Variants in BATF observed in about 807,000 individuals in gnomAD.
The protein encoded by BATF is basic leucine zipper transcriptional factor ATF-like.
Under a neutral mutation model 13.7 loss-of-function variants are expected in BATF, and 5 were observed. The observed-to-expected ratio is 0.36, with a 90% confidence interval of 0.19 to 0.77. The LOEUF (loss-of-function observed/expected upper bound fraction) is 0.77. Among genes scored for constraint, BATF ranks in the 30% least tolerant of loss-of-function variants. The probability of loss-of-function intolerance (pLI) is 0.51; values close to 1 mark genes in which losing one functional copy is unlikely to be tolerated. For missense variants in BATF, 124 were observed against 163.0 expected, an observed-to-expected ratio of 0.76 and a Z score of 1.30; for synonymous variants, 72 against 67.5, an observed-to-expected ratio of 1.07 and a Z score of -0.33.
chr14:75,525,019 A>G, intron 1 of BATF, 65 bp from the exon 2 acceptor site: 1 of 1,374,188 alleles, frequency 7.3e-7, no homozygotes, highest in Non-Finnish European at 1.0e-6. Context: ...ACACACCACC[A>G]GAGCCTGCTT....
At chr14:75,525,545 T>TC (rs749653719) in intron 2 of BATF, among the ~76,000 whole-genome samples, 7 of 150,968 alleles carry the variant, frequency 4.6e-5, no homozygotes, top group Non-Finnish European at 1.0e-4. Flanking sequence ...ATGCCTGTAG[T>TC]CCCAGCTACT....
At chr14:75,536,883 C>A (rs1163050958) in intron 2 of BATF, among the ~76,000 whole-genome samples, 8 of 152,168 alleles carry the variant, frequency 5.3e-5, no homozygotes, top group Non-Finnish European at 1.2e-4. Context: ...GAAGCAATAG[C>A]ACCTCACTAG....
chr14:75,523,208 TA>T (rs60531963), intron 1 of BATF, among the ~76,000 whole-genome samples: 22,711 of 139,088 alleles, frequency 0.16, 5,386 homozygotes, highest in African/African-American at 0.53. Flanking sequence ...AGGGAAAAGT[TA>T]AAAAAAAAAA....
At chr14:75,542,621 A>C (rs1027820536) in intron 2 of BATF, among the ~76,000 whole-genome samples, 24 of 152,244 alleles carry the variant, frequency 1.6e-4, no homozygotes, top group Non-Finnish European at 2.8e-4. Flanking sequence ...ACGAGGCCCC[A>C]GATCAGCCAC....
chr14:75,528,001 C>T (rs923614720), intron 2 of BATF, among the ~76,000 whole-genome samples: 1 of 152,214 alleles, frequency 6.6e-6, no homozygotes, highest in African/African-American at 2.4e-5. Context: ...TCTTCCTTTC[C>T]TCCGAGATGA....
intron 2 of BATF, among the ~76,000 whole-genome samples, chr14:75,542,485 T>C (rs1887911035): frequency 2.0e-5 from 3 of 152,194 alleles, no homozygotes; most frequent in Admixed American, 2.0e-4. Context: ...CTGTTGTACC[T>C]CTGGATAAAC....
At position 75,546,808 on chromosome 14, in the gene BATF, C is replaced by A; in HGVS notation, c.*137C>A. 4.9e-6 allele frequency: 6 copies of A among 1,218,580 alleles called. No individual in the cohort carries two copies. The highest frequency in any genetic ancestry group is 6.9e-6 in the Non-Finnish European group (6 of 865,320). 75.5% of individuals were successfully genotyped at this position (1,218,580 alleles called of 1,614,324 possible). A position where few individuals can be genotyped will look rare whatever the true frequency, so the allele number is the denominator to read the frequency against. On this transcript the variant is annotated 3_prime_UTR_variant, in exon 3 of 3. Coordinates refer to ENST00000286639, the MANE Select transcript of BATF (RefSeq NM_006399.5). ...GACAAGGAGTGAACACGGGAACTGT[C>A]ACGACTGGAAGGGCGTGAGGCCTCC...
In BATF at chr14:75,529,013, G is replaced by A. The variant is rs143043557; in HGVS notation, c.168+3825G>A. On this transcript the variant is annotated intron_variant, in intron 2 of 2. Transcript: ENST00000286639. The stretch of plus-strand genomic sequence containing the variant: ...GAAAGATATACCTTATGTAAAGTTA[G>A]CAATTTTCCTTAAGTTAATTGATAA... 7.3e-3 allele frequency among the ~76,000 whole-genome samples: 1,112 copies of A among 152,232 alleles called. 16 individuals carry two copies. The highest frequency in any genetic ancestry group is 0.026 in the African/African-American group (1,069 of 41,538).
intron 2 of BATF, among the ~76,000 whole-genome samples, chr14:75,545,178 T>C (rs1887962936): frequency 1.3e-5 from 2 of 152,110 alleles, no homozygotes; most frequent in Non-Finnish European, 1.5e-5. Context: ...GAACAAAACG[T>C]TGTAGCAGAC....
intron 2 of BATF, among the ~76,000 whole-genome samples, chr14:75,535,279 C>T (rs1451751565): frequency 1.3e-5 from 2 of 152,008 alleles, no homozygotes; most frequent in Admixed American, 6.6e-5. Flanking sequence ...ATTAGCCAGG[C>T]GTGGTAGCTT....
intron 2 of BATF, among the ~76,000 whole-genome samples, chr14:75,537,538 C>T (rs1269984879): frequency 1.3e-5 from 2 of 152,210 alleles, no homozygotes; most frequent in Non-Finnish European, 1.5e-5. Context: ...AATAATAGCT[C>T]CTGCCCTCAC....
chr14:75,526,145 C>T (rs1000694032), intron 2 of BATF, among the ~76,000 whole-genome samples: 8 of 152,192 alleles, frequency 5.3e-5, no homozygotes, highest in African/African-American at 1.9e-4. Flanking sequence ...CCGCCAGTGG[C>T]CAAGGCCCTA....
At chr14:75,527,717 T>C (rs1368583545) in intron 2 of BATF, among the ~76,000 whole-genome samples, 3 of 152,144 alleles carry the variant, frequency 2.0e-5, no homozygotes, top group African/African-American at 4.8e-5. Context: ...GAGCCCCAAG[T>C]CATATAGTCA....
At chr14:75,524,172 G>A (rs1887617749) in intron 1 of BATF, among the ~76,000 whole-genome samples, 4 of 152,196 alleles carry the variant, frequency 2.6e-5, no homozygotes, top group Non-Finnish European at 1.5e-5. Flanking sequence ...GCATCTGGGA[G>A]AGAACTGGAG....
intron 2 of BATF, among the ~76,000 whole-genome samples, chr14:75,545,556 C>A (rs1226574607): frequency 6.6e-6 from 1 of 151,852 alleles, no homozygotes; most frequent in African/African-American, 2.4e-5. Flanking sequence ...TTATAAAGAC[C>A]CTGAGCATTC....
At position 75,522,755 on chromosome 14, in the gene BATF, T is replaced by C; in HGVS notation, c.63+10T>C. ...TCCCCCTGGCAAACAGGTAGAGTCC[T>C]CCTTTTTCTCTCTCCTACCTTCTGA... On this transcript the variant is annotated intron_variant, in intron 1 of 2. Transcript: ENST00000286639. 1 of 1,614,044 alleles carries C rather than the reference T, an allele frequency of 6.2e-7. No individual in the cohort carries two copies. The highest frequency in any genetic ancestry group is 8.5e-7 in the Non-Finnish European group (1 of 1,179,898).
At chr14:75,528,907 C>T (rs1230024348) in intron 2 of BATF, among the ~76,000 whole-genome samples, 1 of 151,970 alleles carries the variant, frequency 6.6e-6, no homozygotes, top group African/African-American at 2.4e-5. Context: ...CCAATGACAA[C>T]AGCAAATGGA....
intron 2 of BATF, among the ~76,000 whole-genome samples, chr14:75,537,097 G>A (rs1887831106): frequency 6.6e-6 from 1 of 152,122 alleles, no homozygotes; most frequent in Non-Finnish European, 1.5e-5. Flanking sequence ...CAGGGGCTTG[G>A]CCTTTCACAA....
chr14:75,546,817 A>G lies in BATF; in HGVS notation c.*146A>G, dbSNP rs1887995222. 2 of 1,148,398 alleles carry G rather than the reference A, an allele frequency of 1.7e-6. No individual in the cohort carries two copies. Among genetic ancestry groups the G allele is most frequent in the Admixed American group, 2.1e-5 (1 of 48,228 alleles). The allele number at this position is 1,148,398 out of a possible 1,614,324, so 71.1% of individuals were successfully genotyped here. A position where few individuals can be genotyped will look rare whatever the true frequency, so the allele number is the denominator to read the frequency against. On this transcript the variant is annotated 3_prime_UTR_variant, in exon 3 of 3. Transcript: ENST00000286639. ...TGAACACGGGAACTGTCACGACTGG[A>G]AGGGCGTGAGGCCTCCCAGCAGTGC...
Sources: gnomAD v4.1 joint callset for allele counts (sites outside exome capture counted in the v4.1 genomes callset) on GRCh38, gnomAD v4.1.1 for gene constraint, MANE v1.5 for transcripts, NCBI Gene and HGNC (gene_info 2026-07-23, HGNC 2026-07-21) for gene names.